The following NAALADL2 variants were observed in gnomAD, a reference collection of about 807,000 sequenced individuals.
The protein encoded by NAALADL2 is N-acetylated alpha-linked acidic dipeptidase like 2.
A neutral mutation model predicts 87.2 loss-of-function variants in NAALADL2; 76 were observed. The ratio of observed to expected loss-of-function variants is 0.87; its 90% CI spans 0.72 to 1.05. The LOEUF (loss-of-function observed/expected upper bound fraction) is 1.05. Ranked by LOEUF, NAALADL2 falls within the 50% of genes least tolerant of loss-of-function variation. The probability of loss-of-function intolerance (pLI) is 0.00; values close to 1 mark genes in which losing one functional copy is unlikely to be tolerated. For synonymous variants in NAALADL2, 354 were observed against 331.0 expected (o/e 1.07, Z -0.75); for missense variants, 1,089 against 945.8 (o/e 1.15, Z -1.99).
chr3:174,669,390 C>G (rs1212871613), intron 2 of NAALADL2, among the ~76,000 whole-genome samples: 1 of 152,052 alleles, frequency 6.6e-6, no homozygotes, highest in East Asian at 1.9e-4. Context: ...ATATTTAGGT[C>G]TTAATCCATT....
intron 2 of NAALADL2, among the ~76,000 whole-genome samples, chr3:174,601,359 A>G (rs1346588592): frequency 6.6e-6 from 1 of 152,020 alleles, no homozygotes. Flanking sequence ...ATGCTATCTC[A>G]TTGTAGTTTT....
intron 9 of NAALADL2, among the ~76,000 whole-genome samples, chr3:175,537,389 G>T (rs1377944950): frequency 1.3e-5 from 2 of 152,216 alleles, no homozygotes; most frequent in Non-Finnish European, 2.9e-5. Flanking sequence ...TGAGGGAAGA[G>T]CAGAGATTGA....
chr3:175,162,381 C>T (rs115122214), intron 2 of NAALADL2, among the ~76,000 whole-genome samples: 2,447 of 152,150 alleles, frequency 0.016, 23 homozygotes, highest in Non-Finnish European at 0.022. Flanking sequence ...ATGCAAACTA[C>T]AGGTTGAAGT....
chr3:174,878,553 T>G (rs1728801006), intron 1 of NAALADL2, among the ~76,000 whole-genome samples: 1 of 152,118 alleles, frequency 6.6e-6, no homozygotes, highest in Admixed American at 6.6e-5. Context: ...ATTTCTTATA[T>G]TGCTCTGCAC....
At chr3:174,847,775 G>A (rs1724796030) in intron 3 of NAALADL2, among the ~76,000 whole-genome samples, 1 of 150,508 alleles carries the variant, frequency 6.6e-6, no homozygotes, top group East Asian at 2.0e-4. Context: ...TAAAATGCAT[G>A]CAATAAGTGC....
chr3:174,803,317 T>C (rs1719062204), intron 3 of NAALADL2, among the ~76,000 whole-genome samples: 1 of 152,190 alleles, frequency 6.6e-6, no homozygotes, highest in African/African-American at 2.4e-5. Context: ...CCCCACTTTT[T>C]GATGGGGTTG....
chr3:174,720,441 TAG>T (rs1357275271), intron 2 of NAALADL2, among the ~76,000 whole-genome samples: 1 of 152,108 alleles, frequency 6.6e-6, no homozygotes, highest in Non-Finnish European at 1.5e-5. Flanking sequence ...GATAGCTATA[TAG>T]AGAGATATAG....
chr3:175,488,232 G>T (rs555417029), intron 9 of NAALADL2, among the ~76,000 whole-genome samples: 15 of 152,274 alleles, frequency 9.9e-5, no homozygotes, highest in African/African-American at 3.4e-4. Context: ...CAAAGATTGT[G>T]GGCACACATA....
chr3:174,932,740 A>C (rs373563689), intron 1 of NAALADL2, among the ~76,000 whole-genome samples: 1 of 152,136 alleles, frequency 6.6e-6, no homozygotes, highest in Non-Finnish European at 1.5e-5. Context: ...AATTCCCAAG[A>C]TTTAGTTTTG....
intron 2 of NAALADL2, among the ~76,000 whole-genome samples, chr3:175,226,309 T>C (rs1420830979): frequency 6.6e-6 from 1 of 152,154 alleles, no homozygotes; most frequent in Non-Finnish European, 1.5e-5. Flanking sequence ...TTCTATTGTA[T>C]TTTTTACATT....
At chr3:175,372,838 G>A (rs755949348) in intron 5 of NAALADL2, among the ~76,000 whole-genome samples, 2 of 152,076 alleles carry the variant, frequency 1.3e-5, no homozygotes, top group Non-Finnish European at 2.9e-5. Context: ...CCCTTTCTCT[G>A]GCTAAAAGCA....
chr3:175,752,688 G>C (rs1746762699), intron 12 of NAALADL2, among the ~76,000 whole-genome samples: 1 of 152,112 alleles, frequency 6.6e-6, no homozygotes, highest in South Asian at 2.1e-4. Flanking sequence ...TCCTGAAGCT[G>C]TCAGTTCTCT....
At chr3:175,015,548 C>T (rs1309754356) in intron 1 of NAALADL2, among the ~76,000 whole-genome samples, 3 of 152,048 alleles carry the variant, frequency 2.0e-5, no homozygotes, top group Non-Finnish European at 2.9e-5. Flanking sequence ...ATCAATTCAT[C>T]ACAGTTCAAT....
At chr3:175,145,776 T>A (rs1730660371) in intron 2 of NAALADL2, among the ~76,000 whole-genome samples, 1 of 152,100 alleles carries the variant, frequency 6.6e-6, no homozygotes. Context: ...GATTTACTGT[T>A]CCTTATAATA....
At position 175,698,387 on chromosome 3, in the gene NAALADL2, GTATACATA is replaced by G. The variant is rs1738366513; in HGVS notation, c.1897-38917_1897-38910del. ...TATATATGTATGTGTATTTATGTAT[GTATACATA>G]TGTATGTGTATTTATGTATGTATAC... On this transcript the variant is annotated intron_variant, in intron 11 of 13. Transcript: ENST00000454872. Among the ~76,000 whole-genome samples, 4 of 104,962 alleles carry G rather than the reference GTATACATA, an allele frequency of 3.8e-5. 1 individual carries two copies. Among genetic ancestry groups the G allele is most frequent in the Non-Finnish European group, 7.5e-5 (4 of 52,998 alleles). 68.9% of individuals were successfully genotyped at this position (104,962 alleles called of 152,430 possible).
intron 5 of NAALADL2, among the ~76,000 whole-genome samples, chr3:175,390,151 A>T (rs759328675): frequency 6.6e-5 from 10 of 152,242 alleles, no homozygotes; most frequent in Non-Finnish European, 1.2e-4. Flanking sequence ...TTAATTCAAG[A>T]TTTAAAAGTG....
At chr3:175,254,373 C>T (rs1581136075) in intron 3 of NAALADL2, among the ~76,000 whole-genome samples, 1 of 152,148 alleles carries the variant, frequency 6.6e-6, no homozygotes, top group African/African-American at 2.4e-5. Context: ...TGCTACTGCA[C>T]ACTTAATAGA....
chr3:175,085,736 G>T (rs575052828), intron 1 of NAALADL2, among the ~76,000 whole-genome samples: 1 of 152,142 alleles, frequency 6.6e-6, no homozygotes, highest in Non-Finnish European at 1.5e-5. Flanking sequence ...TGGCCAACAT[G>T]GTGAAACCCT....
At chr3:174,680,346 C>T (rs775125711) in intron 2 of NAALADL2, among the ~76,000 whole-genome samples, 79 of 152,268 alleles carry the variant, frequency 5.2e-4, no homozygotes, top group Non-Finnish European at 9.4e-4. Context: ...GTTGAGTGCT[C>T]CCTCATGACT....
Sources: allele counts gnomAD v4.1 joint callset (sites outside exome capture counted in the v4.1 genomes callset), GRCh38; gene constraint gnomAD v4.1.1; transcripts MANE v1.5; gene names NCBI Gene and HGNC (gene_info 2026-07-23, HGNC 2026-07-21).